HNRNPLL: variants seen among roughly 807,000 people sequenced by gnomAD.
HNRNPLL encodes heterogeneous nuclear ribonucleoprotein L-like.
A neutral mutation model predicts 67.1 loss-of-function variants in HNRNPLL; 25 were observed. That is an observed-to-expected ratio of 0.37 (90% CI 0.27 to 0.52). The LOEUF is 0.52. Among genes scored for constraint, HNRNPLL ranks in the 20% least tolerant of loss-of-function variants. HNRNPLL has a pLI of 0.90. For synonymous variants in HNRNPLL, 267 were observed against 241.7 expected (o/e 1.10, Z -0.97); for missense variants, 542 against 673.9 (o/e 0.80, Z 2.17).
At chr2:38,564,521 G>A (rs1665775526) in intron 12 of HNRNPLL, among the ~76,000 whole-genome samples, 1 of 149,848 alleles carries the variant, frequency 6.7e-6, no homozygotes, top group African/African-American at 2.5e-5. Context: ...TCAGGAGGCT[G>A]AGGCAGGAGA....
In HNRNPLL at chr2:38,589,219, A is replaced by G. The variant is rs144268683; in HGVS notation, c.308+2311T>C. The stretch of plus-strand genomic sequence containing the variant: ...TCCTGACACAACACAACCATTTTTA[A>G]TATCTTGTTATATTTTCTTCTGAGC... On this transcript the variant is annotated intron_variant, in intron 2 of 12. Transcript: ENST00000449105. Among the ~76,000 whole-genome samples, 80 of 152,310 alleles carry G rather than the reference A, an allele frequency of 5.3e-4. 4 individuals are homozygous for G. The East Asian group carries it at 0.014, about 26-fold the overall frequency.
chr2:38,569,240 G>A lies in HNRNPLL; in HGVS notation c.1309C>T (p.Arg437Cys). The A allele has an allele frequency of 6.2e-7, 1 of 1,612,684 alleles. No individual in the cohort carries two copies. The highest frequency in any genetic ancestry group is 8.5e-7 in the Non-Finnish European group (1 of 1,178,794). The change falls in exon 10 of 13, where the codon CGC becomes TGC. Residue 437 changes from arginine to cysteine, a missense_variant. This residue lies in a region of HNRNPLL where 415 missense variants were observed against 575.2 expected (regional missense o/e 0.72). Coordinates refer to ENST00000449105, the MANE Select transcript of HNRNPLL (RefSeq NM_138394.4). ...GATGCTTGGCCAGCACTTGTAAAGC[G>A]ATTATTTTTGCTCATTGCAAAATCT... Reference protein sequence around the residue: ...YKDFAMSKNNRFTSAGQASKN... With the variant: ...YKDFAMSKNNCFTSAGQASKN...
intron 1 of HNRNPLL, chr2:38,600,172 G>C (rs551294395): frequency 1.9e-5 from 4 of 209,946 alleles, no homozygotes; most frequent in Admixed American, 5.8e-5. Context: ...AGATTTCATA[G>C]TACAATGATG....
chr2:38,565,366 CCTGA>C (rs754775526), intron 12 of HNRNPLL, among the ~76,000 whole-genome samples: 2 of 151,950 alleles, frequency 1.3e-5, no homozygotes, highest in African/African-American at 2.4e-5. Context: ...AAAAATTAAG[CCTGA>C]CTACTTAATA....
At chr2:38,564,744 A>G (rs1166666282) in intron 12 of HNRNPLL, among the ~76,000 whole-genome samples, 2 of 151,962 alleles carry the variant, frequency 1.3e-5, no homozygotes, top group Non-Finnish European at 2.9e-5. Flanking sequence ...ATTGTTCTCA[A>G]CACTGTCTGG....
chr2:38,591,399 C>G, intron 2 of HNRNPLL, 131 bp downstream of exon 2: 1 of 661,480 alleles, frequency 1.5e-6, no homozygotes. Context: ...CAGTCATAGG[C>G]AAACAATAGA....
At chr2:38,596,891 T>C (rs759074530) in intron 1 of HNRNPLL, among the ~76,000 whole-genome samples, 11 of 152,214 alleles carry the variant, frequency 7.2e-5, no homozygotes, top group Non-Finnish European at 1.3e-4. Flanking sequence ...TAATCTCTTC[T>C]TTAGGTTAAT....
At chr2:38,573,480 T>C (rs1278748173) in intron 7 of HNRNPLL, 53 bp from the exon 8 acceptor site, 7 of 1,182,624 alleles carry the variant, frequency 5.9e-6, no homozygotes, top group Non-Finnish European at 1.2e-6. Context: ...CATAGTTGTT[T>C]GTAAATACTT....
At chr2:38,571,193 T>G (rs1666068577) in intron 8 of HNRNPLL, among the ~76,000 whole-genome samples, 1 of 152,108 alleles carries the variant, frequency 6.6e-6, no homozygotes, top group Non-Finnish European at 1.5e-5. Flanking sequence ...TACATACCTA[T>G]GATAAAGTTT....
intron 2 of HNRNPLL, among the ~76,000 whole-genome samples, chr2:38,589,371 G>A (rs1666871779): frequency 6.6e-6 from 1 of 152,142 alleles, no homozygotes. Flanking sequence ...TAAAGGGAAA[G>A]TTTCCAAATT....
chr2:38,567,575 G>A (rs79773642), intron 12 of HNRNPLL, among the ~76,000 whole-genome samples: 9,353 of 152,192 alleles, frequency 0.061, 288 homozygotes, highest in South Asian at 0.089. Flanking sequence ...CCTCTAAAAT[G>A]ATCAGCAGGG....
At chr2:38,578,371 T>C (rs1047687082) in intron 6 of HNRNPLL, among the ~76,000 whole-genome samples, 4 of 152,098 alleles carry the variant, frequency 2.6e-5, no homozygotes, top group African/African-American at 9.7e-5. Flanking sequence ...TGTTAGTAAA[T>C]TTTAAAAATC....
intron 1 of HNRNPLL, among the ~76,000 whole-genome samples, chr2:38,598,548 G>A (rs1334907950): frequency 6.6e-6 from 1 of 152,164 alleles, no homozygotes; most frequent in Non-Finnish European, 1.5e-5. Context: ...GGCAAAAAAA[G>A]CAATATATGA....
intron 1 of HNRNPLL, among the ~76,000 whole-genome samples, chr2:38,592,361 A>T (rs1204474763): frequency 1.3e-5 from 2 of 152,234 alleles, no homozygotes; most frequent in Non-Finnish European, 2.9e-5. Flanking sequence ...TGAAGATAAT[A>T]TACTTATCTT....
intron 4 of HNRNPLL, among the ~76,000 whole-genome samples, chr2:38,582,600 G>A (rs1408653886): frequency 3.3e-5 from 5 of 152,080 alleles, no homozygotes; most frequent in Admixed American, 1.3e-4. Context: ...GTGAGTCACT[G>A]CGCCTGGCCA....
intron 4 of HNRNPLL, 77 bp downstream of exon 4, chr2:38,583,764 G>T: frequency 1.6e-6 from 1 of 644,628 alleles, no homozygotes; most frequent in Admixed American, 3.4e-5. Flanking sequence ...AACACCACTT[G>T]TCTAGAAATG....
At chr2:38,602,417 A>T in intron 1 of HNRNPLL, 21 bp downstream of exon 1, 1 of 1,544,364 alleles carries the variant, frequency 6.5e-7, no homozygotes, top group Non-Finnish European at 8.7e-7. Context: ...CACAGCGGAC[A>T]GGGGGGCCGC....
Position 38,602,647 on chromosome 2 carries a change from G to C in HNRNPLL, c.-21C>G, listed in dbSNP as rs1667494894. The C allele has an allele frequency of 4.0e-6, 6 of 1,487,866 alleles. No homozygotes were observed. The East Asian group carries it at 1.7e-4, about 42-fold the overall frequency. The allele number at this position is 1,487,866 out of a possible 1,614,324, so 92.2% of individuals were successfully genotyped here. ...GACATGGCGGCGGCCGGAGGGACCG[G>C]CTGGCAGGCGGGTGGGGGTGGCGGT... is the stretch of plus-strand genomic sequence containing the variant. On this transcript the variant is annotated 5_prime_UTR_variant, in exon 1 of 13. Transcript: ENST00000449105.
chr2:38,599,533 A>G (rs1262706922), intron 1 of HNRNPLL, among the ~76,000 whole-genome samples: 1 of 152,216 alleles, frequency 6.6e-6, no homozygotes, highest in African/African-American at 2.4e-5. Context: ...TTATTCAACA[A>G]TGCAGCTCAG....
Sources: gnomAD v4.1 joint callset for allele counts (sites outside exome capture counted in the v4.1 genomes callset) on GRCh38, gnomAD v4.1.1 for gene constraint, gnomAD v4.1.1 regional missense constraint, MANE v1.5 for transcripts, NCBI Gene and HGNC (gene_info 2026-07-23, HGNC 2026-07-21) for gene names.